The following ZNF503 variants were observed in gnomAD, a reference collection of about 807,000 sequenced individuals.
ZNF503 encodes zinc finger protein 503.
Under a neutral mutation model 34.4 loss-of-function variants are expected in ZNF503, and 15 were observed. The ratio of observed to expected loss-of-function variants is 0.44; its 90% CI spans 0.29 to 0.67. ZNF503 has a LOEUF of 0.67. Ranked by LOEUF, ZNF503 falls within the 30% of genes least tolerant of loss-of-function variation. ZNF503 has a pLI of 0.13. For missense variants in ZNF503, 1,007 were observed against 926.8 expected, an observed-to-expected ratio of 1.09 and a Z score of -1.12; for synonymous variants, 580 against 456.8, an observed-to-expected ratio of 1.27 and a Z score of -3.44.
At chr10:75,381,841 G>A in the ZNF503 span, among the ~76,000 whole-genome samples, 6 of 29,348 alleles carry the variant, frequency 2.0e-4, no homozygotes, top group Admixed American at 3.8e-4. Context: ...TTTTTGAGAC[G>A]GTCTCACTTG....
At chr10:75,313,829 A>G in the ZNF503 span, among the ~76,000 whole-genome samples, 4 of 152,240 alleles carry the variant, frequency 2.6e-5, no homozygotes, top group Admixed American at 6.5e-5. Context: ...AGGAAAACAA[A>G]AGAGAGAACC....
chr10:75,331,491 C>T, the ZNF503 span, among the ~76,000 whole-genome samples: 2 of 152,136 alleles, frequency 1.3e-5, no homozygotes, highest in South Asian at 2.1e-4. Flanking sequence ...ACTTTGTCAC[C>T]AAGTGGGAAT....
At chr10:75,327,288 A>G in the ZNF503 span, among the ~76,000 whole-genome samples, 2 of 132,290 alleles carry the variant, frequency 1.5e-5, no homozygotes, top group African/African-American at 2.9e-5. Flanking sequence ...CTATTCTACT[A>G]TTCTGCTCTC....
At chr10:75,308,706 A>G in the ZNF503 span, among the ~76,000 whole-genome samples, 3 of 152,246 alleles carry the variant, frequency 2.0e-5, no homozygotes, top group East Asian at 5.8e-4. Flanking sequence ...TTGTCAAGAC[A>G]TCAGTGGAGG....
At chr10:75,365,676 T>G in the ZNF503 span, among the ~76,000 whole-genome samples, 1 of 152,220 alleles carries the variant, frequency 6.6e-6, no homozygotes, top group Non-Finnish European at 1.5e-5. Flanking sequence ...ATTTAACCTA[T>G]CTGTGCTTCA....
chr10:75,401,121 G>T lies in ZNF503; in HGVS notation c.299C>A (p.Pro100Gln). The T allele has an allele frequency of 1.2e-6, 2 of 1,613,290 alleles. No homozygotes were observed. Among genetic ancestry groups the T allele is most frequent in the Non-Finnish European group, 8.5e-7 (1 of 1,179,716 alleles). Residue 100 changes from proline (P) to glutamine (Q), a missense_variant, in exon 1 of 2, where the codon CCG becomes CAG. Pro to Gln is a moderately conservative substitution (Grantham distance 76). Coordinates refer to ENST00000372524, the MANE Select transcript of ZNF503 (RefSeq NM_032772.6). ...GGTCCTTACCTCGATGGGGCTGACC[G>T]GCGTGGAAGGCAGGGGCTGCAGGTA... ...PEYLQPLPST[P>Q]VSPIELDAKK...
the ZNF503 span, among the ~76,000 whole-genome samples, chr10:75,335,927 C>A: frequency 1.3e-5 from 2 of 152,120 alleles, no homozygotes; most frequent in Non-Finnish European, 2.9e-5. Context: ...GACTTTTAAC[C>A]TTTCTCTGTT....
the ZNF503 span, among the ~76,000 whole-genome samples, chr10:75,334,015 G>T: frequency 8.2e-6 from 1 of 122,662 alleles, no homozygotes; most frequent in African/African-American, 3.4e-5. Context: ...CTTCCTAGAT[G>T]GGATGGCGGC....
rs1373492236 is a variant in ZNF503 at position 75,399,998 on chromosome 10, G to C, written c.692C>G (p.Ser231Cys). Reference protein sequence around the residue: ...PFTPRTGSPSSSASACSPGGM... With the variant: ...PFTPRTGSPSCSASACSPGGM... ...TCCCGGCGAGCAGGCCGAGGCGCTG[G>C]AGCTCGGGCTGCCTGTCCTGGGCGT... Residue 231 changes from serine to cysteine, a missense_variant, in exon 2 of 2, where the codon TCC (serine) becomes TGC (cysteine). Ser to Cys is a moderately radical substitution (Grantham distance 112, BLOSUM62 -1). Coordinates refer to ENST00000372524, the MANE Select transcript of ZNF503 (RefSeq NM_032772.6). The C allele has an allele frequency of 6.2e-7, 1 of 1,605,302 alleles. No individual in the cohort carries two copies. The highest frequency in any genetic ancestry group is 8.5e-7 in the Non-Finnish European group (1 of 1,179,140).
At chr10:75,336,260 C>T in the ZNF503 span, among the ~76,000 whole-genome samples, 1 of 152,026 alleles carries the variant, frequency 6.6e-6, no homozygotes, top group Non-Finnish European at 1.5e-5. Context: ...TCCTGTGCTT[C>T]TACTCACCCT....
chr10:75,394,557 C>A (rs1843676680), downstream of ZNF503, among the ~76,000 whole-genome samples: 2 of 152,218 alleles, frequency 1.3e-5, no homozygotes, highest in Admixed American at 6.5e-5. Flanking sequence ...GGAGCTGCAG[C>A]CTTATGAGTT....
chr10:75,314,162 G>A, the ZNF503 span, among the ~76,000 whole-genome samples: 4 of 151,082 alleles, frequency 2.6e-5, no homozygotes, highest in Non-Finnish European at 5.9e-5. Context: ...GCGTGAACCC[G>A]GGAGGCAGAG....
the ZNF503 span, among the ~76,000 whole-genome samples, chr10:75,353,053 G>A: frequency 2.6e-5 from 4 of 152,216 alleles, no homozygotes; most frequent in African/African-American, 7.2e-5. Context: ...GAGAAAACAC[G>A]TCAGACCCTG....
rs1843759469 is a variant in ZNF503, at chr10:75,399,829, G to A, written c.861C>T (p.Gly287=). Residue 287 remains glycine (G), a synonymous_variant, in exon 2 of 2, where the codon GGC becomes GGT. Coordinates refer to ENST00000372524, the MANE Select transcript of ZNF503 (RefSeq NM_032772.6). ...TGLAHGRISC[G]GGINVDVNQH... ...GGTTCACATCCACATTAATCCCGCC[G>A]CCGCAGCTAATCCGGCCGTGTGCCA... The A allele has an allele frequency of 6.2e-7, 1 of 1,604,518 alleles. No homozygotes were observed. Among genetic ancestry groups the A allele is most frequent in the African/African-American group, 1.3e-5 (1 of 74,878 alleles).
At chr10:75,323,711 T>C in the ZNF503 span, among the ~76,000 whole-genome samples, 1 of 152,110 alleles carries the variant, frequency 6.6e-6, no homozygotes, top group Non-Finnish European at 1.5e-5. Flanking sequence ...TTTAAAAAAT[T>C]GGGTTGCGGC....
At chr10:75,365,936 G>A in the ZNF503 span, among the ~76,000 whole-genome samples, 5 of 152,310 alleles carry the variant, frequency 3.3e-5, no homozygotes, top group South Asian at 2.1e-4. Context: ...GCAGGCATGC[G>A]TGCCTCTCGC....
the ZNF503 span, among the ~76,000 whole-genome samples, chr10:75,346,108 T>C: frequency 0.016 from 2,492 of 152,270 alleles, 31 homozygotes; most frequent in South Asian, 0.035. Flanking sequence ...TTGGACAGTT[T>C]GGAGGAAGTG....
chr10:75,326,569 G>A, the ZNF503 span, among the ~76,000 whole-genome samples: 1 of 151,926 alleles, frequency 6.6e-6, no homozygotes, highest in East Asian at 1.9e-4. Flanking sequence ...CATTGTTTTT[G>A]TTGAGAAGTA....
the ZNF503 span, among the ~76,000 whole-genome samples, chr10:75,387,490 T>C: frequency 1.3e-5 from 2 of 152,216 alleles, no homozygotes; most frequent in African/African-American, 4.8e-5. Context: ...AAGCACTACA[T>C]ACAGTATTTG....
Sources: gnomAD v4.1 joint callset for allele counts (sites outside exome capture counted in the v4.1 genomes callset) on GRCh38, gnomAD v4.1.1 for gene constraint, MANE v1.5 for transcripts, NCBI Gene and HGNC (gene_info 2026-07-23, HGNC 2026-07-21) for gene names.